Variants in GPC5 observed in about 807,000 individuals in gnomAD.
GPC5 encodes the protein glypican-5.
Under a neutral mutation model 53.9 loss-of-function variants are expected in GPC5, and 47 were observed. The ratio of observed to expected loss-of-function variants is 0.87; its 90% CI spans 0.69 to 1.11. The LOEUF is 1.11. GPC5 is among the 50% of genes most tolerant of loss of function. The pLI, the probability that GPC5 is intolerant of heterozygous loss-of-function variation, is 0.00. For synonymous variants in GPC5, 286 were observed against 263.3 expected (o/e 1.09, Z -0.84); for missense variants, 748 against 713.1 (o/e 1.05, Z -0.56).
At chr13:92,230,198 C>G (rs1566495151) in intron 7 of GPC5, among the ~76,000 whole-genome samples, 1 of 152,132 alleles carries the variant, frequency 6.6e-6, no homozygotes, top group Non-Finnish European at 1.5e-5. Flanking sequence ...CTCCATTACT[C>G]TTATCTACAA....
At chr13:92,294,109 G>A (rs1452743846) in intron 7 of GPC5, among the ~76,000 whole-genome samples, 4 of 152,102 alleles carry the variant, frequency 2.6e-5, no homozygotes, top group African/African-American at 9.7e-5. Flanking sequence ...TTTTGTTAAG[G>A]ATTTTAGCAT....
At chr13:92,381,982 C>G (rs150195348) in intron 7 of GPC5, among the ~76,000 whole-genome samples, 4,108 of 139,566 alleles carry the variant, frequency 0.029, 166 homozygotes, top group African/African-American at 0.09. Context: ...ATCTATCTAT[C>G]TATCTATCTA....
intron 7 of GPC5, among the ~76,000 whole-genome samples, chr13:92,634,004 G>A (rs1341857960): frequency 6.6e-6 from 1 of 152,030 alleles, no homozygotes; most frequent in African/African-American, 2.4e-5. Flanking sequence ...ATTTTCAAAT[G>A]CATTTTGGTA....
chr13:92,827,147 G>T (rs567516240), intron 7 of GPC5, among the ~76,000 whole-genome samples: 40 of 152,108 alleles, frequency 2.6e-4, no homozygotes, highest in Admixed American at 2.5e-3. Context: ...ATCATGTGGG[G>T]GAGAGAGAAA....
chr13:92,129,151 C>T (rs2041723773), intron 6 of GPC5, among the ~76,000 whole-genome samples: 1 of 152,082 alleles, frequency 6.6e-6, no homozygotes, highest in South Asian at 2.1e-4. Context: ...AATTTAATCT[C>T]CAACAGAATT....
chr13:91,677,447 T>C (rs1168023098), intron 2 of GPC5, among the ~76,000 whole-genome samples: 2 of 152,164 alleles, frequency 1.3e-5, no homozygotes, highest in African/African-American at 2.4e-5. Flanking sequence ...AGATATACAA[T>C]TGGGCACTGA....
At chr13:91,427,122 G>C (rs928586873) in intron 1 of GPC5, among the ~76,000 whole-genome samples, 3 of 152,216 alleles carry the variant, frequency 2.0e-5, no homozygotes, top group Non-Finnish European at 4.4e-5. Flanking sequence ...CCTCTGCTAG[G>C]ACAGTGCAGA....
chr13:92,172,574 A>T (rs115205977), intron 7 of GPC5, among the ~76,000 whole-genome samples: 1,914 of 152,212 alleles, frequency 0.013, 33 homozygotes, highest in African/African-American at 0.044. Flanking sequence ...GTATTGGAAA[A>T]TTTTCAAGTG....
rs556000465 is a variant in GPC5 at position 91,759,539 on chromosome 13, C to T, written c.1280+3119C>T. On this transcript the variant is annotated intron_variant, in intron 5 of 7. Transcript: ENST00000377067. Reference sequence around the variant, plus strand: ...ACCCTCTTCCCACTACTCTACCCAGCCTCTGGTAACCATCCTTCTACTCTC... The same window carrying T: ...ACCCTCTTCCCACTACTCTACCCAGTCTCTGGTAACCATCCTTCTACTCTC... Among the ~76,000 whole-genome samples, 344 of 152,202 alleles carry T rather than the reference C, an allele frequency of 2.3e-3. 1 individual carries two copies. Among genetic ancestry groups the T allele is most frequent in the Non-Finnish European group, 1.6e-3 (111 of 67,996 alleles).
intron 7 of GPC5, among the ~76,000 whole-genome samples, chr13:92,749,868 G>A (rs915806287): frequency 3.0e-4 from 45 of 152,174 alleles, no homozygotes; most frequent in Admixed American, 1.6e-3. Flanking sequence ...AACAAAATAG[G>A]GAGTTGCAAA....
At chr13:92,544,332 G>A (rs1882028829) in intron 7 of GPC5, among the ~76,000 whole-genome samples, 1 of 152,090 alleles carries the variant, frequency 6.6e-6, no homozygotes, top group Admixed American at 6.6e-5. Context: ...GCATTTAATA[G>A]AAAGGTGTTT....
intron 7 of GPC5, among the ~76,000 whole-genome samples, chr13:92,693,414 G>A (rs1391671415): frequency 6.6e-6 from 1 of 152,156 alleles, no homozygotes; most frequent in East Asian, 1.9e-4. Context: ...CATGCTGATA[G>A]TAATATGAAA....
chr13:92,018,399 G>A (rs1256410335), intron 6 of GPC5, among the ~76,000 whole-genome samples: 1 of 151,998 alleles, frequency 6.6e-6, no homozygotes, highest in Non-Finnish European at 1.5e-5. Flanking sequence ...GACTATATAA[G>A]GAAGAGGGAA....
At position 91,571,896 on chromosome 13, in the gene GPC5, T is replaced by TACGTGTGTGTGTATAC. The variant is rs1566516072; in HGVS notation, c.326-121289_326-121288insGTGTGTGTGTATACAC. Among the ~76,000 whole-genome samples the TACGTGTGTGTGTATAC allele has an allele frequency of 1.3e-3, 100 of 76,006 alleles. 13 individuals carry two copies. Among genetic ancestry groups the TACGTGTGTGTGTATAC allele is most frequent in the Admixed American group, 2.3e-3 (17 of 7,390 alleles). The allele number at this position is 76,006 out of a possible 152,430, so 49.9% of individuals were successfully genotyped here. On this transcript the variant is annotated intron_variant, in intron 2 of 7. Coordinates refer to ENST00000377067, the MANE Select transcript of GPC5 (RefSeq NM_004466.6). ...ATATACACACATATACGTGTGTATA[T>TACGTGTGTGTGTATAC]ACACATATTGTATATATACACATAT...
intron 7 of GPC5, among the ~76,000 whole-genome samples, chr13:92,315,068 C>T (rs753358146): frequency 2.4e-4 from 36 of 152,268 alleles, no homozygotes; most frequent in Non-Finnish European, 5.0e-4. Context: ...TGAGCCACTG[C>T]TCCTGGCCCA....
At chr13:92,520,583 C>T (rs1881002199) in intron 7 of GPC5, among the ~76,000 whole-genome samples, 1 of 152,104 alleles carries the variant, frequency 6.6e-6, no homozygotes, top group Admixed American at 6.6e-5. Flanking sequence ...TTCAACAGCC[C>T]TTCATGCTAA....
intron 2 of GPC5, among the ~76,000 whole-genome samples, chr13:91,468,002 T>G (rs1455024124): frequency 6.6e-6 from 1 of 152,162 alleles, no homozygotes; most frequent in Non-Finnish European, 1.5e-5. Context: ...AAGATTAAGT[T>G]CTTTATGCAT....
chr13:92,648,333 T>C (rs1885842137), intron 7 of GPC5, among the ~76,000 whole-genome samples: 1 of 152,102 alleles, frequency 6.6e-6, no homozygotes, highest in Admixed American at 6.6e-5. Context: ...GCATCTATTC[T>C]TTTGGAGTTA....
chr13:91,829,888 A>C (rs2038629359), intron 5 of GPC5, among the ~76,000 whole-genome samples: 1 of 152,104 alleles, frequency 6.6e-6, no homozygotes, highest in African/African-American at 2.4e-5. Flanking sequence ...AGGTCATAGA[A>C]TATCACAAGG....
Sources: gnomAD v4.1 joint callset for allele counts (sites outside exome capture counted in the v4.1 genomes callset) on GRCh38, gnomAD v4.1.1 for gene constraint, MANE v1.5 for transcripts, NCBI Gene and HGNC (gene_info 2026-07-23, HGNC 2026-07-21) for gene names.